DPP10: variants seen among roughly 807,000 people sequenced by gnomAD.
DPP10 encodes dipeptidyl peptidase like 10.
A neutral mutation model predicts 120.9 loss-of-function variants in DPP10; 33 were observed. The observed-to-expected ratio is 0.27, with a 90% confidence interval of 0.21 to 0.37. The LOEUF (loss-of-function observed/expected upper bound fraction) is 0.37, where lower values mean the gene tolerates loss of function less well. DPP10 is among the 10% of genes least tolerant of loss of function. The pLI, the probability that DPP10 is intolerant of heterozygous loss-of-function variation, is 1.00. For missense variants in DPP10, 816 were observed against 942.8 expected, an observed-to-expected ratio of 0.87 and a Z score of 1.76; for synonymous variants, 337 against 326.1, an observed-to-expected ratio of 1.03 and a Z score of -0.36.
At chr2:114,627,142 A>G (rs1558944932) in intron 1 of DPP10, among the ~76,000 whole-genome samples, 2 of 152,112 alleles carry the variant, frequency 1.3e-5, no homozygotes, top group African/African-American at 2.4e-5. Flanking sequence ...TGGGTGCACA[A>G]TACTTTACCA....
chr2:115,827,354 T>TATATATGA (rs1358664698), intron 21 of DPP10, among the ~76,000 whole-genome samples: 2 of 147,054 alleles, frequency 1.4e-5, no homozygotes, highest in Non-Finnish European at 3.0e-5. Context: ...TATATGTACA[T>TATATATGA]ATATATGAAG....
chr2:115,157,002 TAAAAA>T (rs2051960082), intron 1 of DPP10, among the ~76,000 whole-genome samples: 1 of 152,020 alleles, frequency 6.6e-6, no homozygotes, highest in South Asian at 2.1e-4. Flanking sequence ...TGACAACTCT[TAAAAA>T]ATAAAGAGCA....
In DPP10 at chr2:115,702,121, C is replaced by G. The variant is rs1463998566; in HGVS notation, c.576+12200C>G. Among the ~76,000 whole-genome samples the G allele has an allele frequency of 3.3e-5, 5 of 152,070 alleles. No homozygotes were observed. In the South Asian group the frequency reaches 1.0e-3, roughly 32 times the overall value. ...TATCCTGCCAAAGGACTACTAGTGA[C>G]ACAATGACCTTGAGGAACAAGGTTA... is the stretch of plus-strand genomic sequence containing the variant. On this transcript the variant is annotated intron_variant, in intron 7 of 25. Coordinates refer to ENST00000410059, the MANE Select transcript of DPP10 (RefSeq NM_020868.6).
At chr2:114,629,138 G>A (rs930828227) in intron 1 of DPP10, among the ~76,000 whole-genome samples, 1 of 152,206 alleles carries the variant, frequency 6.6e-6, no homozygotes, top group African/African-American at 2.4e-5. Context: ...CTGGTGGAAA[G>A]AAGATGGCAC....
chr2:115,556,148 C>T (rs2080195323), intron 5 of DPP10, among the ~76,000 whole-genome samples: 1 of 151,950 alleles, frequency 6.6e-6, no homozygotes, highest in Non-Finnish European at 1.5e-5. Flanking sequence ...ATGCTTTTTA[C>T]TGAGTGGTAA....
intron 12 of DPP10, among the ~76,000 whole-genome samples, chr2:115,763,144 T>C (rs571691683): frequency 2.0e-5 from 3 of 152,278 alleles, no homozygotes; most frequent in African/African-American, 7.2e-5. Flanking sequence ...CACAAATAGC[T>C]TATTTAAATA....
In DPP10 at chr2:115,263,066, C is replaced by T. The variant is rs551987325; in HGVS notation, c.61-46173C>T. ...TTACCCTGAGTCTGGAAGTGATTAC[C>T]GTGTCCAAGAGCAAGTCATTTCCTT... is the stretch of plus-strand genomic sequence containing the variant. On this transcript the variant is annotated intron_variant, in intron 1 of 25. Transcript: ENST00000410059. Among the ~76,000 whole-genome samples, 188 of 152,172 alleles carry T rather than the reference C, an allele frequency of 1.2e-3. 1 individual carries two copies. The highest frequency in any genetic ancestry group is 3.9e-3 in the African/African-American group (160 of 41,536).
rs113997589 is a variant in DPP10 at position 115,695,517 on chromosome 2, A to G, written c.576+5596A>G. Among the ~76,000 whole-genome samples, 955 of 152,258 alleles carry G rather than the reference A, an allele frequency of 6.3e-3. 15 individuals are homozygous for G. Among genetic ancestry groups the G allele is most frequent in the African/African-American group, 0.022 (915 of 41,540 alleles). ...CAGTGGGCAGGAGGGCATGTGCAAG[A>G]GAACTCCCCTTTATAAAACCATCAG... On this transcript the variant is annotated intron_variant, in intron 7 of 25. Transcript: ENST00000410059.
chr2:115,787,709 A>G (rs994617371), intron 17 of DPP10, among the ~76,000 whole-genome samples: 23 of 152,196 alleles, frequency 1.5e-4, no homozygotes, highest in Admixed American at 1.4e-3. Context: ...GAAAAAGTTA[A>G]AAAAAGTTCA....
At chr2:115,462,774 G>A (rs2074070254) in intron 3 of DPP10, among the ~76,000 whole-genome samples, 2 of 152,124 alleles carry the variant, frequency 1.3e-5, no homozygotes. Flanking sequence ...CTGTCACCCA[G>A]TCTGGAGTGC....
chr2:115,480,850 C>T (rs1030068474), intron 3 of DPP10, among the ~76,000 whole-genome samples: 2 of 152,136 alleles, frequency 1.3e-5, no homozygotes, highest in Admixed American at 6.6e-5. Context: ...TCTGTTCTCT[C>T]TGATTCTTTA....
At chr2:114,769,693 A>C (rs1681075767) in intron 1 of DPP10, among the ~76,000 whole-genome samples, 1 of 152,212 alleles carries the variant, frequency 6.6e-6, no homozygotes, top group Non-Finnish European at 1.5e-5. Flanking sequence ...ACAAATAGAA[A>C]TGTAAATACC....
chr2:114,756,973 A>G (rs10211528), intron 1 of DPP10, among the ~76,000 whole-genome samples: 20,514 of 152,032 alleles, frequency 0.13, 2,081 homozygotes, highest in African/African-American at 0.28. Flanking sequence ...CAAGGGTTTG[A>G]TTGCATTAAA....
intron 1 of DPP10, among the ~76,000 whole-genome samples, chr2:114,888,217 T>G (rs575168255): frequency 6.6e-6 from 1 of 151,842 alleles, no homozygotes; most frequent in East Asian, 1.9e-4. Context: ...CACCAATGCC[T>G]GTGCTCAGCA....
chr2:115,706,271 A>G (rs1002414867), intron 7 of DPP10, among the ~76,000 whole-genome samples: 1 of 151,958 alleles, frequency 6.6e-6, no homozygotes, highest in Non-Finnish European at 1.5e-5. Context: ...TTTAATTCAT[A>G]TTTAGGCAAT....
intron 10 of DPP10, among the ~76,000 whole-genome samples, chr2:115,747,231 T>C (rs996289068): frequency 6.6e-6 from 1 of 152,138 alleles, no homozygotes; most frequent in Non-Finnish European, 1.5e-5. Flanking sequence ...ATAAGAAAAG[T>C]AGAAAATGAA....
chr2:115,546,145 C>T (rs2079486570), intron 5 of DPP10, among the ~76,000 whole-genome samples: 1 of 152,092 alleles, frequency 6.6e-6, no homozygotes, highest in African/African-American at 2.4e-5. Flanking sequence ...GACAATGACA[C>T]TGATGAGTTC....
chr2:114,520,007 C>G (rs1260881493), intron 1 of DPP10, among the ~76,000 whole-genome samples: 1 of 152,110 alleles, frequency 6.6e-6, no homozygotes, highest in Non-Finnish European at 1.5e-5. Context: ...ACACAACAAC[C>G]AAGAAAAAAG....
At chr2:114,663,664 TATATAGAGAGAG>T (rs1697646745) in intron 1 of DPP10, among the ~76,000 whole-genome samples, 2 of 95,432 alleles carry the variant, frequency 2.1e-5, no homozygotes, top group Admixed American at 1.0e-4. Context: ...TATATATATA[TATATAGAGAGAG>T]AGAGAGAGAG....
Sources: allele counts gnomAD v4.1 joint callset (sites outside exome capture counted in the v4.1 genomes callset), GRCh38; gene constraint gnomAD v4.1.1; transcripts MANE v1.5; gene names NCBI Gene and HGNC (gene_info 2026-07-23, HGNC 2026-07-21).